The following SIMC1 variants were observed in gnomAD, a reference collection of about 807,000 sequenced individuals.
The protein encoded by SIMC1 is SUMO-interacting motif-containing protein 1.
A neutral mutation model predicts 82.3 loss-of-function variants in SIMC1; 55 were observed. The ratio of observed to expected loss-of-function variants is 0.67; its 90% CI spans 0.54 to 0.84. SIMC1 has a LOEUF of 0.84. Ranked by LOEUF, SIMC1 falls within the 40% of genes least tolerant of loss-of-function variation. The pLI is 0.00. For missense variants in SIMC1, 915 were observed against 1,107.2 expected (o/e 0.83, Z 2.46); for synonymous variants, 353 against 426.3 (o/e 0.83, Z 2.12).
intron 9 of SIMC1, among the ~76,000 whole-genome samples, chr5:176,337,809 C>T (rs1483998564): frequency 6.6e-6 from 1 of 152,154 alleles, no homozygotes; most frequent in African/African-American, 2.4e-5. Context: ...GTAAGGTACT[C>T]TAAGTCTATG....
chr5:176,262,375 T>C (rs1191292864), intron 1 of SIMC1, among the ~76,000 whole-genome samples: 3 of 151,180 alleles, frequency 2.0e-5, no homozygotes, highest in Non-Finnish European at 2.9e-5. Context: ...CTGCCACTAA[T>C]ATCATACCTA....
chr5:176,290,688 A>G lies in SIMC1; in HGVS notation c.1164A>G (p.Ser388=). ...VQNRDMPMDI[S]ALSSPSCSPS... ...ACCGTGACATGCCTATGGATATCTCAGCTCTGTCCTCTCCAAGCTGCTCTC... is the reference window on the plus strand; with the variant it reads ...ACCGTGACATGCCTATGGATATCTCGGCTCTGTCCTCTCCAAGCTGCTCTC... Residue 388 remains serine (S), a synonymous_variant, in exon 2 of 10, where the codon TCA becomes TCG. Transcript: ENST00000429602. 6.2e-7 allele frequency: 1 copy of G among 1,614,006 alleles called. No homozygotes were observed. Among genetic ancestry groups the G allele is most frequent in the Non-Finnish European group, 8.5e-7 (1 of 1,179,884 alleles).
intron 4 of SIMC1, among the ~76,000 whole-genome samples, chr5:176,305,296 A>G (rs866872174): frequency 2.3e-3 from 4 of 1,746 alleles, no homozygotes; most frequent in East Asian, 0.014. Flanking sequence ...CCGGCCAGCC[A>G]CCCCGTCCGG....
At chr5:176,273,583 C>T (rs1352301692) in intron 1 of SIMC1, among the ~76,000 whole-genome samples, 2 of 152,142 alleles carry the variant, frequency 1.3e-5, no homozygotes, top group African/African-American at 2.4e-5. Flanking sequence ...ATACATGTGA[C>T]ATGCTGGTGC....
chr5:176,287,803 A>T (rs1403822641), intron 1 of SIMC1, among the ~76,000 whole-genome samples: 1 of 152,120 alleles, frequency 6.6e-6, no homozygotes, highest in African/African-American at 2.4e-5. Flanking sequence ...CAATATACAT[A>T]AATCAAGTAT....
intron 1 of SIMC1, among the ~76,000 whole-genome samples, chr5:176,247,765 T>C (rs956471970): frequency 2.0e-5 from 3 of 151,628 alleles, no homozygotes; most frequent in African/African-American, 7.3e-5. Flanking sequence ...CTTTAATCCA[T>C]CTTCAGTTAA....
intron 9 of SIMC1, among the ~76,000 whole-genome samples, chr5:176,339,442 A>T (rs1766038003): frequency 6.6e-6 from 1 of 152,316 alleles, no homozygotes; most frequent in East Asian, 1.9e-4. Context: ...GCACCCTCAA[A>T]GAAAGGTGCA....
chr5:176,320,956 A>T (rs1312742892), intron 5 of SIMC1, among the ~76,000 whole-genome samples: 1 of 152,032 alleles, frequency 6.6e-6, no homozygotes, highest in Non-Finnish European at 1.5e-5. Context: ...AGCATCTCTC[A>T]ACCTACTCCC....
Position 176,290,015 on chromosome 5 carries a change from C to A in SIMC1, c.491C>A (p.Ala164Asp). 1 of 1,613,802 alleles carries A rather than the reference C, an allele frequency of 6.2e-7. No individual in the cohort carries two copies. Among genetic ancestry groups the A allele is most frequent in the Non-Finnish European group, 8.5e-7 (1 of 1,179,816 alleles). ...VYPTEPNCSSATFTGNLSFLA... is the reference protein window; with the variant it reads ...VYPTEPNCSSDTFTGNLSFLA... ...CCAACAGAGCCTAATTGTAGCTCAG[C>A]CACATTCACAGGTAACCTCAGCTTC... Residue 164 changes from alanine (A) to aspartate (D), a missense_variant, in exon 2 of 10, where the codon GCC becomes GAC. Around this residue, in one of 2 missense-constraint regions of SIMC1, gnomAD observed 902 missense variants for 1,040.3 expected, o/e 0.87. Transcript: ENST00000429602.
At chr5:176,338,980 T>C (rs1290189670) in intron 9 of SIMC1, among the ~76,000 whole-genome samples, 4 of 152,192 alleles carry the variant, frequency 2.6e-5, no homozygotes, top group Non-Finnish European at 5.9e-5. Flanking sequence ...ATGTGTTTAA[T>C]GTTCATTGAA....
At chr5:176,307,364 A>G (rs772353781) in intron 4 of SIMC1, among the ~76,000 whole-genome samples, 3 of 152,220 alleles carry the variant, frequency 2.0e-5, no homozygotes, top group Non-Finnish European at 4.4e-5. Flanking sequence ...ACACTTAAAA[A>G]TGTTTACTTT....
chr5:176,305,514 C>T (rs1234803945), intron 4 of SIMC1, among the ~76,000 whole-genome samples: 5 of 131,406 alleles, frequency 3.8e-5, no homozygotes, highest in African/African-American at 8.8e-5. Flanking sequence ...GCCAGCCACC[C>T]CGTCTGGGAG....
intron 9 of SIMC1, among the ~76,000 whole-genome samples, chr5:176,340,159 T>C (rs1345346552): frequency 6.6e-6 from 1 of 152,198 alleles, no homozygotes; most frequent in Non-Finnish European, 1.5e-5. Flanking sequence ...TCCAAAAACC[T>C]TGTGAAGGTA....
intron 4 of SIMC1, among the ~76,000 whole-genome samples, chr5:176,312,060 C>T (rs1476538506): frequency 1.3e-5 from 2 of 152,080 alleles, no homozygotes; most frequent in Non-Finnish European, 1.5e-5. Flanking sequence ...TCTTATCTAG[C>T]ATAGCAGAAA....
At chr5:176,335,083 C>A (rs1031594096) in intron 7 of SIMC1, among the ~76,000 whole-genome samples, 1 of 150,410 alleles carries the variant, frequency 6.6e-6, no homozygotes, top group Non-Finnish European at 1.5e-5. Context: ...GGCAAAAGAG[C>A]GAAACTCTGT....
At chr5:176,288,165 T>C (rs1487766121) in intron 1 of SIMC1, among the ~76,000 whole-genome samples, 1 of 152,210 alleles carries the variant, frequency 6.6e-6, no homozygotes, top group East Asian at 1.9e-4. Flanking sequence ...CCCAGCACTT[T>C]GGGAGGCCAA....
intron 5 of SIMC1, among the ~76,000 whole-genome samples, chr5:176,321,979 G>A (rs1265822740): frequency 7.7e-6 from 1 of 129,884 alleles, no homozygotes; most frequent in Non-Finnish European, 1.5e-5. Context: ...TCCCACCTCA[G>A]CCTCCCAAAG....
In SIMC1 at chr5:176,331,000, A is replaced by G. The variant is rs141096052; in HGVS notation, c.2172-5720A>G. 2.3e-3 allele frequency among the ~76,000 whole-genome samples: 351 copies of G among 152,248 alleles called. 3 individuals carry two copies. The highest frequency in any genetic ancestry group is 8.1e-3 in the African/African-American group (337 of 41,544). On this transcript the variant is annotated intron_variant, in intron 7 of 9. Transcript: ENST00000429602. The stretch of plus-strand genomic sequence containing the variant: ...AAGGCATTGAGAACAACAAAACACC[A>G]TTTTTTCAGTACTGCCAAAAATGTA...
intron 1 of SIMC1, among the ~76,000 whole-genome samples, chr5:176,281,262 G>A (rs183451770): frequency 5.3e-5 from 8 of 152,298 alleles, no homozygotes; most frequent in African/African-American, 1.4e-4. Context: ...TAGTTCTCGA[G>A]CCTTGGCTTT....
Sources: allele counts gnomAD v4.1 joint callset (sites outside exome capture counted in the v4.1 genomes callset), GRCh38; gene constraint gnomAD v4.1.1; regional missense constraint gnomAD v4.1.1; transcripts MANE v1.5; gene names NCBI Gene and HGNC (gene_info 2026-07-23, HGNC 2026-07-21).